The following CTNND2 variants were observed in gnomAD, a reference collection of about 807,000 sequenced individuals.
CTNND2 encodes catenin delta 2.
A neutral mutation model predicts 144.4 loss-of-function variants in CTNND2; 22 were observed. The observed-to-expected ratio is 0.15, with a 90% CI of 0.11 to 0.22. CTNND2 has a LOEUF of 0.22. CTNND2 is among the 10% of genes least tolerant of loss of function. CTNND2 has a pLI of 1.00. For synonymous variants in CTNND2, 751 were observed against 695.6 expected (o/e 1.08, Z -1.25); for missense variants, 1,353 against 1,618.8 (o/e 0.84, Z 2.82).
intron 9 of CTNND2, among the ~76,000 whole-genome samples, chr5:11,293,654 C>T (rs1056864207): frequency 6.6e-6 from 1 of 151,254 alleles, no homozygotes; most frequent in African/African-American, 2.4e-5. Flanking sequence ...TGTAGAGCAA[C>T]TGAATGAAAA....
chr5:11,135,985 C>T (rs1756107636), intron 12 of CTNND2, among the ~76,000 whole-genome samples: 2 of 152,196 alleles, frequency 1.3e-5, no homozygotes, highest in Non-Finnish European at 2.9e-5. Context: ...TATGTTGAAA[C>T]CTAACCCCCA....
intron 9 of CTNND2, among the ~76,000 whole-genome samples, chr5:11,284,110 T>A (rs1747472772): frequency 6.6e-6 from 1 of 152,146 alleles, no homozygotes; most frequent in African/African-American, 2.4e-5. Context: ...TAGGAGAATG[T>A]GGTTCTGAGC....
intron 14 of CTNND2, among the ~76,000 whole-genome samples, chr5:11,107,824 G>C (rs1019225570): frequency 6.6e-6 from 1 of 150,556 alleles, no homozygotes; most frequent in Non-Finnish European, 1.5e-5. Context: ...AGCCCTTGGG[G>C]CAAAGTCTCA....
At chr5:11,403,324 T>C (rs995948620) in intron 5 of CTNND2, among the ~76,000 whole-genome samples, 81 of 152,200 alleles carry the variant, frequency 5.3e-4, no homozygotes, top group African/African-American at 1.8e-3. Context: ...GCTCCTGTGT[T>C]AGTTTGCTGA....
At chr5:11,897,704 C>A (rs992140379) in intron 1 of CTNND2, among the ~76,000 whole-genome samples, 1 of 152,138 alleles carries the variant, frequency 6.6e-6, no homozygotes, top group Non-Finnish European at 1.5e-5. Flanking sequence ...TGCTACAAAT[C>A]AACCAGGGCA....
intron 3 of CTNND2, among the ~76,000 whole-genome samples, chr5:11,515,265 A>G (rs1469112349): frequency 6.6e-6 from 1 of 152,200 alleles, no homozygotes; most frequent in Non-Finnish European, 1.5e-5. Context: ...CCTCTATAAT[A>G]AAAGTGACAC....
At chr5:11,281,716 G>C (rs914089056) in intron 9 of CTNND2, among the ~76,000 whole-genome samples, 1 of 152,136 alleles carries the variant, frequency 6.6e-6, no homozygotes. Flanking sequence ...TCACATGGTC[G>C]TTCTTCTGTG....
intron 1 of CTNND2, among the ~76,000 whole-genome samples, chr5:11,836,173 C>T (rs1163549941): frequency 6.6e-6 from 1 of 152,012 alleles, no homozygotes; most frequent in Admixed American, 6.6e-5. Flanking sequence ...GGTTGGGCCA[C>T]GTCAAGAACA....
intron 16 of CTNND2, among the ~76,000 whole-genome samples, chr5:11,077,121 AT>A (rs1580216261): frequency 1.3e-5 from 2 of 151,894 alleles, no homozygotes; most frequent in South Asian, 2.1e-4. Flanking sequence ...CGGTTCAGTC[AT>A]TTTTTTTCTG....
At chr5:11,461,504 C>T (rs1364621218) in intron 3 of CTNND2, among the ~76,000 whole-genome samples, 1 of 152,146 alleles carries the variant, frequency 6.6e-6, no homozygotes, top group African/African-American at 2.4e-5. Context: ...AGTAGAGTTT[C>T]ATGAACTCGG....
chr5:11,651,708 A>G (rs1321674315), intron 2 of CTNND2, among the ~76,000 whole-genome samples: 1 of 152,190 alleles, frequency 6.6e-6, no homozygotes, highest in African/African-American at 2.4e-5. Flanking sequence ...ATGGAGTCAA[A>G]GCAGATTATT....
intron 2 of CTNND2, among the ~76,000 whole-genome samples, chr5:11,626,843 C>T (rs1352472544): frequency 6.6e-6 from 1 of 152,214 alleles, no homozygotes; most frequent in East Asian, 1.9e-4. Context: ...CACATTCACA[C>T]ACAAATTGAA....
At chr5:11,249,304 G>A (rs1373134660) in intron 9 of CTNND2, among the ~76,000 whole-genome samples, 1 of 152,174 alleles carries the variant, frequency 6.6e-6, no homozygotes, top group East Asian at 1.9e-4. Flanking sequence ...ACCAAGTTGG[G>A]CTTATTGCTC....
chr5:11,277,141 C>T (rs1425578372), intron 9 of CTNND2, among the ~76,000 whole-genome samples: 1 of 152,146 alleles, frequency 6.6e-6, no homozygotes, highest in South Asian at 2.1e-4. Context: ...TTCCCCCTTG[C>T]CTTTTTTTTT....
intron 9 of CTNND2, among the ~76,000 whole-genome samples, chr5:11,283,673 CAAAAAAAAAAAAAAAAA>C (rs70947250): frequency 6.3e-5 from 2 of 31,590 alleles, no homozygotes; most frequent in South Asian, 1.3e-3. Flanking sequence ...GACTCCGTCT[CAAAAAAAAAAAAAAAAA>C]AAAAAAAAAA....
chr5:11,662,265 G>GTGTATATA (rs1783304336), intron 2 of CTNND2, among the ~76,000 whole-genome samples: 4 of 112,400 alleles, frequency 3.6e-5, no homozygotes, highest in Admixed American at 8.1e-5. Context: ...GTATATATGT[G>GTGTATATA]TGTGTGTGTA....
At chr5:11,144,145 ATGAGCAGAT>A (rs1757023328) in intron 12 of CTNND2, among the ~76,000 whole-genome samples, 9 of 152,232 alleles carry the variant, frequency 5.9e-5, no homozygotes, top group African/African-American at 1.2e-4. Context: ...AGGGGTTTCT[ATGAGCAGAT>A]CCTTAGTCTG....
intron 9 of CTNND2, among the ~76,000 whole-genome samples, chr5:11,330,775 T>TG (rs1283247086): frequency 6.1e-5 from 6 of 99,068 alleles, no homozygotes; most frequent in African/African-American, 8.9e-5. Context: ...AGAGCAAAAC[T>TG]CTGTATCAAA....
At chr5:11,878,698 T>C (rs1310146921) in intron 1 of CTNND2, among the ~76,000 whole-genome samples, 1 of 152,184 alleles carries the variant, frequency 6.6e-6, no homozygotes, top group Non-Finnish European at 1.5e-5. Flanking sequence ...CTAAGAGTCC[T>C]TGCTGCTTCA....
Sources: allele counts gnomAD v4.1 joint callset (sites outside exome capture counted in the v4.1 genomes callset), GRCh38; gene constraint gnomAD v4.1.1; transcripts MANE v1.5; gene names NCBI Gene and HGNC (gene_info 2026-07-23, HGNC 2026-07-21).